The following SLCO3A1 variants were observed in gnomAD, a reference collection of about 807,000 sequenced individuals.
SLCO3A1 encodes the protein solute carrier organic anion transporter family member 3A1.
In SLCO3A1, 27 loss-of-function variants were observed where a neutral mutation model predicts 63.1. The observed-to-expected ratio is 0.43, with a 90% CI of 0.32 to 0.59. The LOEUF (loss-of-function observed/expected upper bound fraction) is 0.59, where lower values mean the gene tolerates loss of function less well. Among genes scored for constraint, SLCO3A1 ranks in the 20% least tolerant of loss-of-function variants. The pLI is 0.09. For missense variants in SLCO3A1, 773 were observed against 945.8 expected (o/e 0.82, Z 2.40); for synonymous variants, 473 against 409.9 (o/e 1.15, Z -1.86).
rs12904347 is a variant in SLCO3A1, at chr15:92,015,796, C to T, written c.647-79085C>T. Among the ~76,000 whole-genome samples the T allele has an allele frequency of 9.7e-3, 1,474 of 152,228 alleles. 6 individuals carry two copies. Among genetic ancestry groups the T allele is most frequent in the Non-Finnish European group, 0.017 (1,149 of 68,016 alleles). The stretch of plus-strand genomic sequence containing the variant: ...CTTGCTGGTGGGGCCCAGGCTCTGA[C>T]CCCATTTGCTCAATCAGGAAGGCCC... On this transcript the variant is annotated intron_variant, in intron 2 of 9. Transcript: ENST00000318445.
intron 2 of SLCO3A1, among the ~76,000 whole-genome samples, chr15:91,996,403 CA>C (rs1466214633): frequency 2.0e-5 from 3 of 151,908 alleles, no homozygotes; most frequent in South Asian, 2.1e-4. Context: ...GTATCATAAA[CA>C]TTTTTTTTTG....
At position 92,084,448 on chromosome 15, in the gene SLCO3A1, C is replaced by A. The variant is rs191049147; in HGVS notation, c.647-10433C>A. 2.6e-3 allele frequency among the ~76,000 whole-genome samples: 395 copies of A among 152,224 alleles called. 2 individuals carry two copies. Among genetic ancestry groups the A allele is most frequent in the African/African-American group, 9.2e-3 (384 of 41,520 alleles). Reference sequence around the variant, plus strand: ...ATTTTACAGAGGAGGAAACTGAGGCCGAGGGAGCATTTGTACCATGCTCAC... The same window carrying A: ...ATTTTACAGAGGAGGAAACTGAGGCAGAGGGAGCATTTGTACCATGCTCAC... On this transcript the variant is annotated intron_variant, in intron 2 of 9. Transcript: ENST00000318445.
rs1235675969 is a variant in SLCO3A1, at chr15:91,954,735, G to T, written c.646+38277G>T. Among the ~76,000 whole-genome samples, 1 of 152,038 alleles carries T rather than the reference G, an allele frequency of 6.6e-6. No homozygotes were observed. The highest frequency in any genetic ancestry group is 2.1e-4 in the South Asian group (1 of 4,822). On this transcript the variant is annotated intron_variant, in intron 2 of 9. Transcript: ENST00000318445. The surrounding 1 kb of genome is among the most constrained non-coding windows in gnomAD (Gnocchi z 4.7). ...TGAGGGGGGTAAAGATGGGGAGAGG[G>T]GTTGACCTGCGAAGCACCCTCTGCT...
chr15:92,049,324 A>G (rs1444957371), intron 2 of SLCO3A1, among the ~76,000 whole-genome samples: 2 of 152,110 alleles, frequency 1.3e-5, no homozygotes, highest in East Asian at 1.9e-4. Flanking sequence ...GAAAAAAACT[A>G]TGTGATTGGC....
chr15:92,117,339 T>C (rs1437946737), intron 4 of SLCO3A1, among the ~76,000 whole-genome samples: 1 of 152,206 alleles, frequency 6.6e-6, no homozygotes, highest in Non-Finnish European at 1.5e-5. Flanking sequence ...GTTTTACTTG[T>C]GACCAAGCGT....
At chr15:92,068,383 C>G (rs1321190922) in intron 2 of SLCO3A1, among the ~76,000 whole-genome samples, 2 of 148,134 alleles carry the variant, frequency 1.4e-5, no homozygotes, top group Non-Finnish European at 3.0e-5. Context: ...CTACTTTCCT[C>G]TTCAGAAAAG....
chr15:92,120,321 GCCTTAGCAAC>G, intron 4 of SLCO3A1, 134 bp from the exon 5 acceptor site: 9 of 766,136 alleles, frequency 1.2e-5, no homozygotes, highest in African/African-American at 3.5e-5. Flanking sequence ...GTAGATTTTG[GCCTTAGCAAC>G]TGGGTACCTC....
intron 1 of SLCO3A1, among the ~76,000 whole-genome samples, chr15:91,887,863 T>C (rs568109875): frequency 1.3e-5 from 2 of 152,284 alleles, no homozygotes; most frequent in African/African-American, 4.8e-5. Flanking sequence ...AACTTAGTAA[T>C]ACCTACACTA....
intron 2 of SLCO3A1, among the ~76,000 whole-genome samples, chr15:92,011,182 T>G (rs934714171): frequency 6.6e-6 from 1 of 152,210 alleles, no homozygotes; most frequent in Non-Finnish European, 1.5e-5. Flanking sequence ...CCATGACCAT[T>G]GCATTTCCTC....
chr15:92,037,070 A>G (rs574378749), intron 2 of SLCO3A1, among the ~76,000 whole-genome samples: 2 of 152,312 alleles, frequency 1.3e-5, no homozygotes, highest in African/African-American at 2.4e-5. Context: ...TCCTCACAAG[A>G]GCAATATGCA....
intron 1 of SLCO3A1, among the ~76,000 whole-genome samples, chr15:91,884,249 C>T (rs144200672): frequency 3.3e-5 from 5 of 152,278 alleles, no homozygotes; most frequent in Non-Finnish European, 7.4e-5. Context: ...ATGGCTTACG[C>T]CTGTAATCCA....
chr15:92,120,413 G>A (rs2047849423), intron 4 of SLCO3A1, 52 bp from the exon 5 acceptor site: 4 of 1,576,558 alleles, frequency 2.5e-6, no homozygotes, highest in Non-Finnish European at 1.7e-6. Context: ...TATAAGATGG[G>A]AGCACAGGGT....
At chr15:92,099,600 C>G (rs781418207) in intron 3 of SLCO3A1, among the ~76,000 whole-genome samples, 22 of 152,116 alleles carry the variant, frequency 1.4e-4, no homozygotes, top group Non-Finnish European at 2.6e-4. Flanking sequence ...TTTCCAGTGA[C>G]TTTTCATTTG....
intron 9 of SLCO3A1, chr15:92,155,214 T>C (rs2048356629): frequency 6.6e-6 from 1 of 152,282 alleles, no homozygotes; most frequent in Non-Finnish European, 1.5e-5. Context: ...ACTCCTTTTC[T>C]CTCCAGGCTG....
At chr15:91,926,599 G>GCGCA (rs1555450151) in intron 2 of SLCO3A1, among the ~76,000 whole-genome samples, 133 of 145,728 alleles carry the variant, frequency 9.1e-4, no homozygotes, top group African/African-American at 1.5e-3. Context: ...GTGTGTGTGC[G>GCGCA]CGCGCGCACG....
chr15:92,049,989 A>C (rs2046937759), intron 2 of SLCO3A1, among the ~76,000 whole-genome samples: 1 of 152,210 alleles, frequency 6.6e-6, no homozygotes, highest in Admixed American at 6.5e-5. Flanking sequence ...CCAGCTTAAA[A>C]TGAATCCAGC....
At chr15:92,120,080 C>T (rs1374877496) in intron 4 of SLCO3A1, among the ~76,000 whole-genome samples, 1 of 151,898 alleles carries the variant, frequency 6.6e-6, no homozygotes, top group Non-Finnish European at 1.5e-5. Flanking sequence ...TATATAAACA[C>T]ACACACACAC....
At chr15:91,946,095 G>A (rs530563961) in intron 2 of SLCO3A1, among the ~76,000 whole-genome samples, 1 of 152,354 alleles carries the variant, frequency 6.6e-6, no homozygotes, top group African/African-American at 2.4e-5. Flanking sequence ...TGTGGGCATG[G>A]ATTCAGTATG....
intron 2 of SLCO3A1, among the ~76,000 whole-genome samples, chr15:92,062,422 C>A (rs34970645): frequency 6.6e-6 from 1 of 151,956 alleles, no homozygotes; most frequent in Admixed American, 6.6e-5. Flanking sequence ...GCCCGAGTGC[C>A]GTGTGGTCCA....
Sources: allele counts gnomAD v4.1 joint callset (sites outside exome capture counted in the v4.1 genomes callset), GRCh38; gene constraint gnomAD v4.1.1; non-coding constraint Gnocchi (gnomAD v3.1); transcripts MANE v1.5; gene names NCBI Gene and HGNC (gene_info 2026-07-23, HGNC 2026-07-21).